Variants in RFWD3 observed in about 807,000 individuals in gnomAD.
RFWD3 encodes the protein ring finger and WD repeat domain 3, also known as E3 ubiquitin-protein ligase RFWD3.
In RFWD3, 65 loss-of-function variants were observed where a neutral mutation model predicts 87.7. The ratio of observed to expected loss-of-function variants is 0.74; its 90% CI spans 0.61 to 0.91. RFWD3 has a LOEUF of 0.91. Among genes scored for constraint, RFWD3 ranks in the 40% least tolerant of loss-of-function variants. The probability of loss-of-function intolerance (pLI) is 0.00; values close to 1 mark genes in which losing one functional copy is unlikely to be tolerated. For missense variants in RFWD3, 1,078 were observed against 938.5 expected, an observed-to-expected ratio of 1.15 and a Z score of -1.94; for synonymous variants, 433 against 352.8, an observed-to-expected ratio of 1.23 and a Z score of -2.55.
intron 10 of RFWD3, 87 bp downstream of exon 10, chr16:74,630,694 G>A: frequency 8.4e-7 from 1 of 1,191,878 alleles, no homozygotes. Context: ...CTGACTAACT[G>A]TGGAACACCC....
intron 9 of RFWD3, among the ~76,000 whole-genome samples, chr16:74,631,424 G>A (rs560225232): frequency 4.0e-5 from 6 of 151,364 alleles, no homozygotes; most frequent in Non-Finnish European, 7.4e-5. Context: ...AGTGAGCTAA[G>A]ATCATGCCAC....
chr16:74,642,417 C>T (rs1959739213), intron 6 of RFWD3, among the ~76,000 whole-genome samples: 1 of 152,102 alleles, frequency 6.6e-6, no homozygotes, highest in South Asian at 2.1e-4. Flanking sequence ...AGCCACTGTG[C>T]CTGGCCCTTC....
At chr16:74,654,125 C>T (rs971844306) in intron 2 of RFWD3, among the ~76,000 whole-genome samples, 2 of 152,044 alleles carry the variant, frequency 1.3e-5, no homozygotes, top group Non-Finnish European at 2.9e-5. Flanking sequence ...ACCCTGTATC[C>T]ACAAGCAGTC....
At chr16:74,641,308 G>A (rs1401127240) in intron 6 of RFWD3, among the ~76,000 whole-genome samples, 1 of 151,926 alleles carries the variant, frequency 6.6e-6, no homozygotes, top group Non-Finnish European at 1.5e-5. Flanking sequence ...GACTACAGGT[G>A]CGTGCCACCA....
intron 2 of RFWD3, among the ~76,000 whole-genome samples, chr16:74,657,396 G>A (rs1961072978): frequency 6.6e-6 from 1 of 151,634 alleles, no homozygotes; most frequent in Admixed American, 6.6e-5. Context: ...AATTCTGCCA[G>A]TTGTTTCACT....
chr16:74,636,464 G>T lies in RFWD3; in HGVS notation c.1308C>A (p.Tyr436Ter). ...ATACTGTGAAGGTCTTTTGGAAGTG[G>T]TACTTGTGCTTGTGCTGGCCCTGGC... Reference protein sequence around the residue: ...PSSQGQHKHKYHFQKTFTVSQ... With the variant: ...PSSQGQHKHK The change falls in exon 8 of 13, where the codon TAC (tyrosine) becomes TAA (stop). Residue 436 changes from tyrosine (Y) to a stop codon, truncating the protein, a stop_gained. Coordinates refer to ENST00000361070, the MANE Select transcript of RFWD3 (RefSeq NM_018124.4). LOFTEE classifies it high-confidence loss of function. 6.2e-7 allele frequency: 1 copy of T among 1,614,130 alleles called. No homozygotes were observed. Among genetic ancestry groups the T allele is most frequent in the Non-Finnish European group, 8.5e-7 (1 of 1,180,040 alleles).
rs1025932458 is a variant in RFWD3 at position 74,644,743 on chromosome 16, G to T, written c.793-8C>A. ...AGACTTCTGGGGAGATGGCTAGATG[G>T]AAAGCAGAATATATTCAAATTAGAG... On this transcript the variant is annotated splice_polypyrimidine_tract_variant and splice_region_variant and intron_variant, in intron 4 of 12. Transcript: ENST00000361070. The T allele has an allele frequency of 2.5e-6, 4 of 1,603,198 alleles. No homozygotes were observed. The highest frequency in any genetic ancestry group is 3.4e-6 in the Non-Finnish European group (4 of 1,172,206).
chr16:74,646,903 T>TCAACAACAA (rs71376295), intron 4 of RFWD3, among the ~76,000 whole-genome samples: 3 of 150,124 alleles, frequency 2.0e-5, no homozygotes, highest in Non-Finnish European at 4.4e-5. Flanking sequence ...AAACCCCGTC[T>TCAACAACAA]CAACAACAAC....
rs773701779 is a variant in RFWD3, at chr16:74,636,405, C to G, written c.1367G>C (p.Cys456Ser). The stretch of plus-strand genomic sequence containing the variant: ...TATCACCAGGCAGCTCAGAGCATCA[C>G]AGTATGCCATGATCCGGCAGTTTCC... The part of the protein sequence containing the change: ...QAGNCRIMAY[C>S]DALSCLVISQ... Residue 456 changes from cysteine to serine, a missense_variant, in exon 8 of 13, where the codon TGT (cysteine) becomes TCT (serine). Transcript: ENST00000361070. 3.1e-6 allele frequency: 5 copies of G among 1,614,054 alleles called. No homozygotes were observed. Among genetic ancestry groups the G allele is most frequent in the Non-Finnish European group, 4.2e-6 (5 of 1,180,042 alleles).
intron 12 of RFWD3, 36 bp downstream of exon 12, chr16:74,626,307 A>G (rs1364793686): frequency 1.9e-6 from 3 of 1,586,436 alleles, no homozygotes; most frequent in Non-Finnish European, 2.6e-6. Context: ...AAGCAAAACT[A>G]CTTTTTATAT....
At chr16:74,647,245 C>T (rs759951933) in intron 4 of RFWD3, among the ~76,000 whole-genome samples, 2 of 151,968 alleles carry the variant, frequency 1.3e-5, no homozygotes, top group Non-Finnish European at 2.9e-5. Context: ...GAATTCACAG[C>T]AGATGTAAAT....
At chr16:74,649,317 A>T in intron 3 of RFWD3, 115 bp from the exon 4 acceptor site, 1 of 654,504 alleles carries the variant, frequency 1.5e-6, no homozygotes, top group Non-Finnish European at 2.6e-6. Context: ...TTTCTAACTG[A>T]CAGTGTTCCT....
At chr16:74,636,656 AG>A in intron 7 of RFWD3, 79 bp from the exon 8 acceptor site, 8 of 1,090,848 alleles carry the variant, frequency 7.3e-6, no homozygotes, top group Non-Finnish European at 1.1e-5. Flanking sequence ...GATCTTTTAC[AG>A]GAAGATTTTT....
At chr16:74,640,687 C>T (rs1287423431) in intron 6 of RFWD3, among the ~76,000 whole-genome samples, 1 of 151,566 alleles carries the variant, frequency 6.6e-6, no homozygotes, top group African/African-American at 2.4e-5. Flanking sequence ...TGCCTGTAAT[C>T]CCAGCACTCT....
chr16:74,623,721 C>A lies in RFWD3; in HGVS notation c.*207G>T. 7.9e-6 allele frequency: 4 copies of A among 505,474 alleles called. No individual in the cohort carries two copies. Among genetic ancestry groups the A allele is most frequent in the South Asian group, 3.2e-5 (1 of 31,162 alleles). 31.3% of individuals were successfully genotyped at this position (505,474 alleles called of 1,614,324 possible). A position where few individuals can be genotyped will look rare whatever the true frequency, so the allele number is the denominator to read the frequency against. On this transcript the variant is annotated 3_prime_UTR_variant, in exon 13 of 13. Transcript: ENST00000361070. ...GAAATGGATAATGTAGATAAAGTAC[C>A]CATCAATTACTCTTTTAGTGGACAT...
intron 2 of RFWD3, among the ~76,000 whole-genome samples, chr16:74,659,377 A>G (rs1488177000): frequency 2.0e-5 from 3 of 152,204 alleles, no homozygotes; most frequent in Non-Finnish European, 2.9e-5. Context: ...GCCTTCACCT[A>G]TAACACAAAT....
At position 74,623,610 on chromosome 16, in the gene RFWD3, C is replaced by T; in HGVS notation, c.*318G>A. 1 of 233,040 alleles carries T rather than the reference C, an allele frequency of 4.3e-6. No homozygotes were observed. The highest frequency in any genetic ancestry group is 8.4e-6 in the Non-Finnish European group (1 of 119,368). 14.4% of individuals were successfully genotyped at this position (233,040 alleles called of 1,614,324 possible). On this transcript the variant is annotated 3_prime_UTR_variant, in exon 13 of 13. Coordinates refer to ENST00000361070, the MANE Select transcript of RFWD3 (RefSeq NM_018124.4). ...ACATCCTAGATGATGAGAGGACACT[C>T]TCTAAGGTCCAGAAAGTCACACAGA...
intron 8 of RFWD3, among the ~76,000 whole-genome samples, chr16:74,634,109 AT>A (rs1220006208): frequency 3.3e-5 from 5 of 152,214 alleles, no homozygotes; most frequent in Non-Finnish European, 7.3e-5. Flanking sequence ...TTCTACTTCA[AT>A]AAAGCTGTTG....
At chr16:74,646,996 A>G (rs1487967548) in intron 4 of RFWD3, among the ~76,000 whole-genome samples, 1 of 151,928 alleles carries the variant, frequency 6.6e-6, no homozygotes, top group Non-Finnish European at 1.5e-5. Context: ...CTGAGGCAGG[A>G]GAATGGTGTG....
Sources: allele counts gnomAD v4.1 joint callset (sites outside exome capture counted in the v4.1 genomes callset), GRCh38; gene constraint gnomAD v4.1.1; transcripts MANE v1.5; gene names NCBI Gene and HGNC (gene_info 2026-07-23, HGNC 2026-07-21).